The following SCLT1 variants were observed in gnomAD, a reference collection of about 807,000 sequenced individuals.
The protein encoded by SCLT1 is sodium channel and clathrin linker 1.
In SCLT1, 78 loss-of-function variants were observed where a neutral mutation model predicts 112.8. The ratio of observed to expected loss-of-function variants is 0.69; its 90% CI spans 0.58 to 0.83. The LOEUF is 0.83. Ranked by LOEUF, SCLT1 falls within the 40% of genes least tolerant of loss-of-function variation. SCLT1 has a pLI of 0.00. For synonymous variants in SCLT1, 257 were observed against 254.7 expected (o/e 1.01, Z -0.09); for missense variants, 747 against 770.4 (o/e 0.97, Z 0.36).
At chr4:129,018,084 CA>C (rs1240923836) in intron 5 of SCLT1, among the ~76,000 whole-genome samples, 1 of 152,256 alleles carries the variant, frequency 6.6e-6, no homozygotes, top group Non-Finnish European at 1.5e-5. Flanking sequence ...TTAGCTTTGA[CA>C]GAAGTGACTG....
chr4:128,933,069 T>C (rs1419298437), intron 18 of SCLT1, among the ~76,000 whole-genome samples: 8 of 152,124 alleles, frequency 5.3e-5, no homozygotes, highest in Admixed American at 1.3e-4. Context: ...AAAATTCCAA[T>C]GACATTTTTC....
intron 2 of SCLT1, among the ~76,000 whole-genome samples, chr4:129,064,880 G>C (rs1358998046): frequency 6.6e-6 from 1 of 152,074 alleles, no homozygotes; most frequent in Non-Finnish European, 1.5e-5. Context: ...AAAATTTGTT[G>C]AAATTTATGA....
intron 2 of SCLT1, among the ~76,000 whole-genome samples, chr4:129,080,440 C>G (rs1579956232): frequency 1.3e-5 from 2 of 152,328 alleles, no homozygotes; most frequent in South Asian, 4.1e-4. Flanking sequence ...TAAATCATCT[C>G]TCTCAGGTTC....
chr4:129,012,804 T>C (rs534969668), intron 5 of SCLT1, among the ~76,000 whole-genome samples: 1 of 151,892 alleles, frequency 6.6e-6, no homozygotes, highest in African/African-American at 2.4e-5. Context: ...TTTTTGCTCT[T>C]TTTGGCTTTT....
At chr4:128,873,440 G>A (rs1007462985) in intron 5 of SCLT1, 5 of 152,578 alleles carry the variant, frequency 3.3e-5, no homozygotes, top group African/African-American at 9.7e-5. Flanking sequence ...TGTAGTCAGA[G>A]TTCTAAACTC....
chr4:129,027,624 G>A (rs549710170), intron 5 of SCLT1, among the ~76,000 whole-genome samples: 1 of 152,184 alleles, frequency 6.6e-6, no homozygotes, highest in South Asian at 2.1e-4. Flanking sequence ...CACAAGACAG[G>A]GATGTCCTCT....
chr4:129,026,110 A>G (rs1337387841), intron 5 of SCLT1, among the ~76,000 whole-genome samples: 1 of 152,200 alleles, frequency 6.6e-6, no homozygotes, highest in East Asian at 1.9e-4. Context: ...GGGAGACTTT[A>G]ACACCCCACT....
chr4:129,020,799 A>G (rs1244624846), intron 5 of SCLT1, among the ~76,000 whole-genome samples: 1 of 152,220 alleles, frequency 6.6e-6, no homozygotes, highest in African/African-American at 2.4e-5. Context: ...TTACATTTTT[A>G]ATACATGAAA....
Position 128,875,404 on chromosome 4 carries a change from C to A in SCLT1, n.356-938G>T, listed in dbSNP as rs1239840619. Among the ~76,000 whole-genome samples the A allele has an allele frequency of 3.3e-5, 5 of 152,252 alleles. No homozygotes were observed. The East Asian group carries it at 9.7e-4, about 29-fold the overall frequency. On this transcript the variant is annotated intron_variant and non_coding_transcript_variant, in intron 4 of 7. Transcript: ENST00000503565. ...CTGCTTTCTGGCTCAACTCTGATGG[C>A]GAGACTGAAAAATAACGGTTTGAGT...
intron 20 of SCLT1, among the ~76,000 whole-genome samples, chr4:128,887,765 ACT>A (rs1732996146): frequency 6.6e-6 from 1 of 151,804 alleles, no homozygotes; most frequent in African/African-American, 2.4e-5. Flanking sequence ...TGCATTTTCT[ACT>A]CTATTTCCCA....
In SCLT1 at chr4:129,093,512, G is replaced by C. The variant is rs1753044614; in HGVS notation, c.-409C>G. ...TGGAGAGGACAACGCCAAGACGGCTGGGAAGCCCCAGGCCAGCAGCGGAAG... is the reference window on the plus strand; with the variant it reads ...TGGAGAGGACAACGCCAAGACGGCTCGGAAGCCCCAGGCCAGCAGCGGAAG... On this transcript the variant is annotated 5_prime_UTR_variant, in exon 1 of 21. Coordinates refer to ENST00000281142, the MANE Select transcript of SCLT1 (RefSeq NM_144643.4). The C allele has an allele frequency of 1.1e-5, 2 of 184,736 alleles. No homozygotes were observed. Among genetic ancestry groups the C allele is most frequent in the African/African-American group, 4.7e-5 (2 of 42,796 alleles). 11.4% of individuals were successfully genotyped at this position (184,736 alleles called of 1,614,324 possible). A position where few individuals can be genotyped will look rare whatever the true frequency, so the allele number is the denominator to read the frequency against.
chr4:129,028,385 T>C (rs1303306852), intron 5 of SCLT1, among the ~76,000 whole-genome samples: 1 of 138,486 alleles, frequency 7.2e-6, no homozygotes, highest in Non-Finnish European at 1.6e-5. Flanking sequence ...TATCTACAAC[T>C]ATCTGATCTT....
At chr4:128,896,293 C>G (rs1026981570) in intron 18 of SCLT1, among the ~76,000 whole-genome samples, 4 of 151,924 alleles carry the variant, frequency 2.6e-5, no homozygotes. Context: ...CCCCCAGTAC[C>G]GGGTACTGGC....
intron 2 of SCLT1, among the ~76,000 whole-genome samples, chr4:129,069,618 T>C (rs1044663060): frequency 1.3e-5 from 2 of 152,204 alleles, no homozygotes; most frequent in African/African-American, 2.4e-5. Context: ...TCTGGAAACT[T>C]TGCTGAATTC....
chr4:129,011,823 T>A (rs1284326281), intron 5 of SCLT1, among the ~76,000 whole-genome samples: 1 of 152,196 alleles, frequency 6.6e-6, no homozygotes, highest in Non-Finnish European at 1.5e-5. Context: ...TTTATGTGCA[T>A]AGAGGTGTTC....
At chr4:129,063,852 G>A (rs1312185433) in intron 2 of SCLT1, among the ~76,000 whole-genome samples, 1 of 152,140 alleles carries the variant, frequency 6.6e-6, no homozygotes, top group Non-Finnish European at 1.5e-5. Flanking sequence ...CGAGTGTCCT[G>A]CACAGGTAGA....
chr4:128,947,780 A>G (rs1738304874), intron 15 of SCLT1, among the ~76,000 whole-genome samples: 1 of 152,208 alleles, frequency 6.6e-6, no homozygotes, highest in African/African-American at 2.4e-5. Flanking sequence ...GGGGGTAAAT[A>G]TTCTTCCTAA....
At chr4:129,026,084 C>G (rs1746041837) in intron 5 of SCLT1, among the ~76,000 whole-genome samples, 1 of 152,114 alleles carries the variant, frequency 6.6e-6, no homozygotes, top group Non-Finnish European at 1.5e-5. Context: ...GACTTAGACT[C>G]CAACACAATA....
intron 5 of SCLT1, among the ~76,000 whole-genome samples, chr4:129,023,838 T>C (rs1251823697): frequency 2.0e-5 from 3 of 152,182 alleles, no homozygotes; most frequent in Admixed American, 1.3e-4. Context: ...CCCACCCTAA[T>C]ACTGCGCTTT....
Sources: gnomAD v4.1 joint callset for allele counts (sites outside exome capture counted in the v4.1 genomes callset) on GRCh38, gnomAD v4.1.1 for gene constraint, MANE v1.5 for transcripts, NCBI Gene and HGNC (gene_info 2026-07-23, HGNC 2026-07-21) for gene names.